Variants in KRT40 observed in about 807,000 individuals in gnomAD.
KRT40 encodes keratin, type I cytoskeletal 40.
In KRT40, 47 loss-of-function variants were observed where a neutral mutation model predicts 43.5. The ratio of observed to expected loss-of-function variants is 1.08; its 90% CI spans 0.86 to 1.38. The LOEUF is 1.38. KRT40 is among the 40% of genes most tolerant of loss of function. The pLI is 0.00. For synonymous variants in KRT40, 212 were observed against 214.0 expected, an observed-to-expected ratio of 0.99 and a Z score of 0.08; for missense variants, 573 against 523.6, an observed-to-expected ratio of 1.09 and a Z score of -0.92.
chr17:40,982,490 G>A (rs764548860), intron 2 of KRT40, 27 bp from the exon 3 acceptor site: 112 of 1,515,444 alleles, frequency 7.4e-5, no homozygotes, highest in Middle Eastern at 2.2e-4. Context: ...GAAATCCAAC[G>A]CTTACTTTGC....
Position 40,982,386 on chromosome 17 carries a change from G to A in KRT40, c.608C>T (p.Thr203Ile), listed in dbSNP as rs1912214530. 1 of 1,611,686 alleles carries A rather than the reference G, an allele frequency of 6.2e-7. No individual in the cohort carries two copies. The highest frequency in any genetic ancestry group is 1.1e-5 in the South Asian group (1 of 90,692). The change falls in exon 3 of 7, where the codon ACC becomes ATC. Residue 203 changes from threonine (T) to isoleucine (I), a missense_variant. Thr to Ile is a moderately conservative substitution (Grantham distance 89). Coordinates refer to ENST00000377755, the MANE Select transcript of KRT40 (RefSeq NM_001389244.1). ...SSLHGILEEL[T>I]LCKSDLEAHV... ...GGCCTCCAGATCAGATTTGCACAGG[G>A]TCAGTTCCTCCAGGATCCCATGCAG...
At chr17:40,982,607 T>C (rs1912232218) in intron 2 of KRT40, 144 bp from the exon 3 acceptor site, 1 of 550,330 alleles carries the variant, frequency 1.8e-6, no homozygotes, top group South Asian at 4.8e-5. Flanking sequence ...ATTCAAGCTT[T>C]TAAAACATTC....
At chr17:40,983,652 C>T (rs1037327027) in intron 1 of KRT40, among the ~76,000 whole-genome samples, 175 bp downstream of exon 1, 6 of 152,168 alleles carry the variant, frequency 3.9e-5, no homozygotes, top group Non-Finnish European at 8.8e-5. Context: ...AGGGGTAGCT[C>T]TGGGGCTGAT....
In KRT40 at chr17:40,982,808, A is replaced by T. The variant is rs576023411; in HGVS notation, c.530+238T>A. 3.9e-5 allele frequency among the ~76,000 whole-genome samples: 6 copies of T among 152,300 alleles called. No homozygotes were observed. The East Asian group carries it at 1.2e-3, about 29-fold the overall frequency. On this transcript the variant is annotated intron_variant, in intron 2 of 6. Transcript: ENST00000377755. ...CACCTGAGGTCAGGAGTTCGAGACCAACCTGGCCCACATGGTGAAACCCTG... is the reference window on the plus strand; with the variant it reads ...CACCTGAGGTCAGGAGTTCGAGACCTACCTGGCCCACATGGTGAAACCCTG...
chr17:40,981,011 A>C lies in KRT40; in HGVS notation c.828T>G (p.Ala276=). 1 of 1,614,208 alleles carries C rather than the reference A, an allele frequency of 6.2e-7. No individual in the cohort carries two copies. The highest frequency in any genetic ancestry group is 1.1e-5 in the South Asian group (1 of 91,088). The change falls in exon 4 of 7, where the codon GCT becomes GCG. Residue 276 remains alanine (A), a synonymous_variant. Transcript: ENST00000377755. ...TGACCTGAACAGCCAACCATTCTTCAGCTTCTCTGCGATTGTTGGCAAGCA... is the reference window on the plus strand; with the variant it reads ...TGACCTGAACAGCCAACCATTCTTCCGCTTCTCTGCGATTGTTGGCAAGCA... ...ETVLANNRRE[A]EEWLAVQTEE... is the part of the protein sequence containing the mutation.
rs775060035 is a variant in KRT40, at chr17:40,978,241, A to T, written c.1252T>A (p.Cys418Ser). 6.2e-7 allele frequency: 1 copy of T among 1,614,048 alleles called. No individual in the cohort carries two copies. Among genetic ancestry groups the T allele is most frequent in the Non-Finnish European group, 8.5e-7 (1 of 1,180,014 alleles). The change falls in exon 7 of 7, where the codon TGC (cysteine) becomes AGC (serine). Residue 418 changes from cysteine (C) to serine (S), a missense_variant. Physicochemically the swap from Cys to Ser is moderately radical, Grantham distance 112. Coordinates refer to ENST00000377755, the MANE Select transcript of KRT40 (RefSeq NM_001389244.1). ...TCTSSNTCEP[C>S]SAYVICTVEN... is the part of the protein sequence containing the mutation. ...ACAGTGCAGATGACATAGGCTGAGC[A>T]TGGCTCACAAGTGTTGCTCGAGGTG... is the stretch of plus-strand genomic sequence containing the variant.
intron 5 of KRT40, 33 bp downstream of exon 5, chr17:40,980,752 T>A: frequency 6.4e-7 from 1 of 1,553,364 alleles, no homozygotes; most frequent in Non-Finnish European, 8.6e-7. Flanking sequence ...GACTTATCAG[T>A]GACACAACGG....
chr17:40,982,174 G>T, intron 3 of KRT40, 133 bp downstream of exon 3: 2 of 772,274 alleles, frequency 2.6e-6, no homozygotes, highest in Non-Finnish European at 3.8e-6. Flanking sequence ...ACCATGCCTG[G>T]CCCTGCCTCA....
intron 2 of KRT40, 44 bp downstream of exon 2, chr17:40,983,002 C>G: frequency 2.4e-6 from 2 of 818,898 alleles, no homozygotes; most frequent in Non-Finnish European, 4.1e-6. Flanking sequence ...GAGTGAAACT[C>G]CATCTCAAAA....
At position 40,981,123 on chromosome 17, in the gene KRT40, C is replaced by A; in HGVS notation, c.716G>T (p.Gly239Val). Residue 239 changes from glycine to valine, a missense_variant, in exon 4 of 7, where the codon GGC becomes GTC. By Grantham distance (109) the Gly-to-Val change is moderately radical (BLOSUM62 -3). Coordinates refer to ENST00000377755, the MANE Select transcript of KRT40 (RefSeq NM_001389244.1). Reference sequence around the variant, plus strand: ...GTCCAGCTCCACACTGAGGCGGTCGCCAAGCTGTTCACGAAGCAAGTTGAC... The same window carrying A: ...GTCCAGCTCCACACTGAGGCGGTCGACAAGCTGTTCACGAAGCAAGTTGAC... ...EEVNLLREQL[G>V]DRLSVELDTA... The A allele has an allele frequency of 1.2e-6, 2 of 1,614,060 alleles. No individual in the cohort carries two copies. Among genetic ancestry groups the A allele is most frequent in the Non-Finnish European group, 1.7e-6 (2 of 1,179,992 alleles).
Position 40,978,102 on chromosome 17 carries a change from G to A in KRT40, c.*95C>T, listed in dbSNP as rs1287546993. 5 of 893,604 alleles carry A rather than the reference G, an allele frequency of 5.6e-6. No homozygotes were observed. The highest frequency in any genetic ancestry group is 9.2e-6 in the Non-Finnish European group (5 of 543,130). The allele number at this position is 893,604 out of a possible 1,614,324, so 55.4% of individuals were successfully genotyped here. On this transcript the variant is annotated 3_prime_UTR_variant, in exon 7 of 7. Transcript: ENST00000377755. ...AATTCCAGGATATGAGAGCCTCCTGGATTTGTGCTTCCGGTTTGGATGTCC... is the reference window on the plus strand; with the variant it reads ...AATTCCAGGATATGAGAGCCTCCTGAATTTGTGCTTCCGGTTTGGATGTCC...
upstream of KRT40, among the ~76,000 whole-genome samples, chr17:40,986,760 A>C (rs1912488345): frequency 6.6e-6 from 1 of 151,922 alleles, no homozygotes; most frequent in South Asian, 2.1e-4. Flanking sequence ...ACAACACGGT[A>C]GTTTATTTTG....
chr17:40,983,518 A>G (rs750783274), intron 1 of KRT40, among the ~76,000 whole-genome samples: 9 of 152,238 alleles, frequency 5.9e-5, no homozygotes, highest in Non-Finnish European at 1.2e-4. Context: ...CTGTGTTCAG[A>G]TAATGTAAAT....
intron 2 of KRT40, 97 bp from the exon 3 acceptor site, chr17:40,982,560 A>C (rs1329556691): frequency 3.1e-5 from 30 of 969,514 alleles, no homozygotes; most frequent in Non-Finnish European, 4.0e-5. Flanking sequence ...TCAGGAAGCC[A>C]TGTGCATAAT....
rs1289742160 is a variant in KRT40 at position 40,984,215 on chromosome 17, C to T, written c.59G>A (p.Gly20Asp). The T allele has an allele frequency of 1.2e-6, 2 of 1,613,810 alleles. No homozygotes were observed. Among genetic ancestry groups the T allele is most frequent in the African/African-American group, 2.7e-5 (2 of 74,870 alleles). The change falls in exon 1 of 7, where the codon GGT becomes GAT. Residue 20 changes from glycine to aspartate, a missense_variant. Transcript: ENST00000377755. ...CSPESCGTAS[G>D]CAPASSCSVE... ...GGAGCAGCTTGAGGCAGGTGCACAA[C>T]CGGAAGCCGTGCCACAGGACTCAGG...
intron 2 of KRT40, among the ~76,000 whole-genome samples, chr17:40,982,824 T>C (rs1296583900): frequency 6.6e-6 from 1 of 152,046 alleles, no homozygotes; most frequent in Non-Finnish European, 1.5e-5. Context: ...GCCCACATGG[T>C]GAAACCCTGT....
At chr17:40,979,840 G>C (rs546952540) in intron 5 of KRT40, among the ~76,000 whole-genome samples, 3 of 152,114 alleles carry the variant, frequency 2.0e-5, no homozygotes, top group Non-Finnish European at 4.4e-5. Flanking sequence ...GCAGAGAAGT[G>C]TGACTACAGT....
intron 2 of KRT40, 114 bp downstream of exon 2, chr17:40,982,932 C>T: frequency 1.9e-6 from 1 of 530,484 alleles, no homozygotes; most frequent in Non-Finnish European, 3.3e-6. Flanking sequence ...CACTTGAACC[C>T]AGGAGGCAGA....
chr17:40,982,183 C>T (rs986977696), intron 3 of KRT40, 124 bp downstream of exon 3: 3 of 889,096 alleles, frequency 3.4e-6, no homozygotes, highest in Non-Finnish European at 4.8e-6. Context: ...GGCCCTGCCT[C>T]AAGTAGTTTT....
Sources: gnomAD v4.1 joint callset for allele counts (sites outside exome capture counted in the v4.1 genomes callset) on GRCh38, gnomAD v4.1.1 for gene constraint, MANE v1.5 for transcripts, NCBI Gene and HGNC (gene_info 2026-07-23, HGNC 2026-07-21) for gene names.